COMMD10: variants seen among roughly 807,000 people sequenced by gnomAD.
COMMD10 encodes the protein COMM domain-containing protein 10.
In COMMD10, 33 loss-of-function variants were observed where a neutral mutation model predicts 28.9. The observed-to-expected ratio is 1.14, with a 90% CI of 0.87 to 1.53. The LOEUF is 1.53. Among genes scored for constraint, COMMD10 ranks in the 40% most tolerant of loss-of-function variants. The pLI is 0.00. For missense variants in COMMD10, 310 were observed against 233.4 expected (o/e 1.33, Z -2.14); for synonymous variants, 110 against 81.7 (o/e 1.35, Z -1.87).
chr5:116,251,096 C>G (rs896859396), intron 5 of COMMD10, among the ~76,000 whole-genome samples: 3 of 151,858 alleles, frequency 2.0e-5, no homozygotes, highest in African/African-American at 7.3e-5. Context: ...ACCAAGTAGG[C>G]AAGAAGATAG....
rs1750824419 is a variant in COMMD10 at position 116,273,842 on chromosome 5, T to G, written c.511-17675T>G. ...TAAAATATAATACTTGGAACTAAAG[T>G]CATCATTCAAAAAAGGCATTTATTA... On this transcript the variant is annotated intron_variant, in intron 5 of 6. Transcript: ENST00000274458. 2.6e-5 allele frequency among the ~76,000 whole-genome samples: 4 copies of G among 151,740 alleles called. No homozygotes were observed. The South Asian group carries it at 8.3e-4, about 31-fold the overall frequency.
At position 116,211,248 on chromosome 5, in the gene COMMD10, C is replaced by T. The variant is rs561132214; in HGVS notation, c.510+77070C>T. On this transcript the variant is annotated intron_variant, in intron 5 of 6. Coordinates refer to ENST00000274458, the MANE Select transcript of COMMD10 (RefSeq NM_016144.4). ...ACATTCTAAGAAATGTGTTGTTAGG[C>T]AATCTGATCCCTGTGCAAACATCAT... Among the ~76,000 whole-genome samples the T allele has an allele frequency of 5.9e-5, 9 of 152,140 alleles. No individual in the cohort carries two copies. In the South Asian group the frequency reaches 1.7e-3, roughly 28 times the overall value.
At chr5:116,238,993 C>T (rs1428909663) in intron 5 of COMMD10, among the ~76,000 whole-genome samples, 1 of 152,038 alleles carries the variant, frequency 6.6e-6, no homozygotes, top group African/African-American at 2.4e-5. Flanking sequence ...AGCATAGTAG[C>T]AGCATGCTGC....
At chr5:116,155,645 T>C (rs913919097) in intron 5 of COMMD10, among the ~76,000 whole-genome samples, 2 of 152,056 alleles carry the variant, frequency 1.3e-5, no homozygotes, top group Admixed American at 1.3e-4. Flanking sequence ...GTTTAATGAG[T>C]GCCTAATTTG....
intron 3 of COMMD10, among the ~76,000 whole-genome samples, chr5:116,091,889 A>T (rs1024390648): frequency 6.6e-6 from 1 of 152,220 alleles, no homozygotes; most frequent in Non-Finnish European, 1.5e-5. Flanking sequence ...TTGTAACTTC[A>T]TGAGCATTTT....
intron 5 of COMMD10, among the ~76,000 whole-genome samples, chr5:116,260,938 C>T (rs543391778): frequency 6.6e-6 from 1 of 151,720 alleles, no homozygotes; most frequent in Non-Finnish European, 1.5e-5. Flanking sequence ...AACATGTTCT[C>T]TTTGTGAATG....
chr5:116,178,856 C>T (rs1747846197), intron 5 of COMMD10, among the ~76,000 whole-genome samples: 1 of 152,138 alleles, frequency 6.6e-6, no homozygotes, highest in Non-Finnish European at 1.5e-5. Flanking sequence ...TTCATATAAA[C>T]ATCTTCCATT....
At chr5:116,106,273 GT>G (rs1167316582) in intron 4 of COMMD10, among the ~76,000 whole-genome samples, 2 of 152,102 alleles carry the variant, frequency 1.3e-5, no homozygotes, top group Non-Finnish European at 2.9e-5. Context: ...AGGTTGTTCA[GT>G]TTCCATGTGT....
At chr5:116,290,393 G>C (rs185677475) in intron 5 of COMMD10, among the ~76,000 whole-genome samples, 1 of 151,766 alleles carries the variant, frequency 6.6e-6, no homozygotes, top group Non-Finnish European at 1.5e-5. Context: ...ATATATGAGA[G>C]AAAATGAAGA....
At chr5:116,143,535 T>G (rs1752256020) in intron 5 of COMMD10, among the ~76,000 whole-genome samples, 1 of 151,818 alleles carries the variant, frequency 6.6e-6, no homozygotes, top group South Asian at 2.1e-4. Flanking sequence ...TTTTCTAGCT[T>G]CTGAATCGTG....
At chr5:116,211,170 A>G (rs975153246) in intron 5 of COMMD10, among the ~76,000 whole-genome samples, 1 of 152,118 alleles carries the variant, frequency 6.6e-6, no homozygotes, top group African/African-American at 2.4e-5. Flanking sequence ...GTTTATGTAT[A>G]TGTATGTATA....
chr5:116,134,864 A>ACC (rs57179678), intron 5 of COMMD10, among the ~76,000 whole-genome samples: 1 of 150,656 alleles, frequency 6.6e-6, no homozygotes, highest in African/African-American at 2.4e-5. Context: ...CTTGTGATCC[A>ACC]CCCCCCTCAG....
intron 5 of COMMD10, among the ~76,000 whole-genome samples, chr5:116,232,954 G>T (rs949706770): frequency 1.3e-5 from 2 of 152,168 alleles, no homozygotes; most frequent in African/African-American, 4.8e-5. Context: ...GTAATTCTAT[G>T]CTCTTACCCT....
At chr5:116,117,523 G>A (rs1343813028) in intron 4 of COMMD10, among the ~76,000 whole-genome samples, 3 of 152,172 alleles carry the variant, frequency 2.0e-5, no homozygotes, top group African/African-American at 4.8e-5. Context: ...GTGTGCAGTG[G>A]CACGATATCG....
intron 2 of COMMD10, among the ~76,000 whole-genome samples, chr5:116,089,261 G>A (rs1750220218): frequency 6.6e-6 from 1 of 152,144 alleles, no homozygotes; most frequent in African/African-American, 2.4e-5. Flanking sequence ...TTTTATCTAT[G>A]AGGTAACCAA....
chr5:116,166,616 C>T (rs1259198475), intron 5 of COMMD10, among the ~76,000 whole-genome samples: 3 of 152,144 alleles, frequency 2.0e-5, no homozygotes, highest in East Asian at 1.9e-4. Flanking sequence ...CTGGCGGGTG[C>T]TCCTCTGAGA....
At chr5:116,152,702 G>C (rs1314082583) in intron 5 of COMMD10, among the ~76,000 whole-genome samples, 4 of 151,978 alleles carry the variant, frequency 2.6e-5, no homozygotes, top group East Asian at 1.9e-4. Flanking sequence ...TGAGAAACCA[G>C]AAGTTTTTCT....
At chr5:116,170,463 T>G (rs1753288295) in intron 5 of COMMD10, among the ~76,000 whole-genome samples, 1 of 152,204 alleles carries the variant, frequency 6.6e-6, no homozygotes, top group Admixed American at 6.5e-5. Context: ...ATTGAACTTC[T>G]TCACAGAATT....
At position 116,150,115 on chromosome 5, in the gene COMMD10, T is replaced by G. The variant is rs1752472057; in HGVS notation, c.510+15937T>G. On this transcript the variant is annotated intron_variant, in intron 5 of 6. Transcript: ENST00000274458. ...CCAGCACCATTTATTAAATAGGGAA[T>G]ACTTTCCCCATTTCTTGTTTTTGTC... Among the ~76,000 whole-genome samples, 2 of 152,118 alleles carry G rather than the reference T, an allele frequency of 1.3e-5. 1 individual carries two copies. The highest frequency in any genetic ancestry group is 4.1e-4 in the South Asian group (2 of 4,830).
Sources: gnomAD v4.1 joint callset for allele counts (sites outside exome capture counted in the v4.1 genomes callset) on GRCh38, gnomAD v4.1.1 for gene constraint, MANE v1.5 for transcripts, NCBI Gene and HGNC (gene_info 2026-07-23, HGNC 2026-07-21) for gene names.